The following SPATA16 variants were observed in gnomAD, a reference collection of about 807,000 sequenced individuals.
The protein encoded by SPATA16 is spermatogenesis-associated protein 16.
In SPATA16, 36 loss-of-function variants were observed where a neutral mutation model predicts 63.3. That is an observed-to-expected ratio of 0.57 (90% CI 0.44 to 0.75). The LOEUF is 0.75. SPATA16 is among the 30% of genes least tolerant of loss of function. SPATA16 has a pLI of 0.00. For synonymous variants in SPATA16, 203 were observed against 216.7 expected, an observed-to-expected ratio of 0.94 and a Z score of 0.56; for missense variants, 646 against 679.3, an observed-to-expected ratio of 0.95 and a Z score of 0.54.
chr3:173,006,611 A>G (rs1358409001), intron 4 of SPATA16, among the ~76,000 whole-genome samples: 1 of 152,226 alleles, frequency 6.6e-6, no homozygotes, highest in Non-Finnish European at 1.5e-5. Context: ...TGTGAGATAC[A>G]TAATAATCTC....
intron 4 of SPATA16, among the ~76,000 whole-genome samples, chr3:172,982,191 C>T (rs913672352): frequency 2.6e-5 from 4 of 152,110 alleles, no homozygotes; most frequent in Admixed American, 2.6e-4. Context: ...AATTACATAG[C>T]TTACTAGGAT....
Position 172,889,646 on chromosome 3 carries a change from A to G in SPATA16, c.1634T>C (p.Leu545Ser). Residue 545 changes from leucine (L) to serine (S), a missense_variant, in exon 11 of 11, where the codon TTA becomes TCA. By Grantham distance (145) the Leu-to-Ser change is moderately radical. Coordinates refer to ENST00000351008, the MANE Select transcript of SPATA16 (RefSeq NM_031955.6). Reference protein sequence around the residue: ...DFLYQLEDSFLKTKKLRTARR... With the variant: ...DFLYQLEDSFSKTKKLRTARR... Reference sequence around the variant, plus strand: ...AGCAGTTCTCAGTTTTTTAGTTTTTAAGAAACTGTCCTCTAATTGGTATAG... The same window carrying G: ...AGCAGTTCTCAGTTTTTTAGTTTTTGAGAAACTGTCCTCTAATTGGTATAG... 7 of 1,613,542 alleles carry G rather than the reference A, an allele frequency of 4.3e-6. No individual in the cohort carries two copies. Among genetic ancestry groups the G allele is most frequent in the Non-Finnish European group, 5.9e-6 (7 of 1,179,756 alleles).
At chr3:173,001,220 A>G (rs1352413170) in intron 4 of SPATA16, among the ~76,000 whole-genome samples, 2 of 150,294 alleles carry the variant, frequency 1.3e-5, no homozygotes, top group Non-Finnish European at 2.9e-5. Flanking sequence ...TCAGTCTTTT[A>G]GTGAGCCTGT....
At chr3:173,030,729 A>T (rs896845787) in intron 3 of SPATA16, among the ~76,000 whole-genome samples, 3 of 152,090 alleles carry the variant, frequency 2.0e-5, no homozygotes, top group African/African-American at 4.8e-5. Context: ...ACTCCTGTGT[A>T]TATACCTAAA....
chr3:173,096,107 T>C (rs1265454717), intron 2 of SPATA16, among the ~76,000 whole-genome samples: 3 of 152,100 alleles, frequency 2.0e-5, no homozygotes, highest in African/African-American at 7.2e-5. Flanking sequence ...CTAAAAATAT[T>C]TTTTAATAAA....
intron 2 of SPATA16, among the ~76,000 whole-genome samples, chr3:173,088,058 CTTT>C: frequency 7.8e-6 from 1 of 128,550 alleles, no homozygotes; most frequent in African/African-American, 3.0e-5. Flanking sequence ...TTCTTTCTTT[CTTT>C]CTTTCTTTCT....
intron 6 of SPATA16, among the ~76,000 whole-genome samples, chr3:172,942,771 T>A (rs1733186738): frequency 6.6e-6 from 1 of 152,108 alleles, no homozygotes; most frequent in Non-Finnish European, 1.5e-5. Flanking sequence ...TTAATGACAG[T>A]TGACCATATA....
intron 10 of SPATA16, among the ~76,000 whole-genome samples, chr3:172,910,471 A>G (rs534001659): frequency 1.2e-4 from 18 of 152,126 alleles, no homozygotes; most frequent in Admixed American, 3.9e-4. Context: ...CTACTACTTA[A>G]CTCAGTCAAG....
intron 10 of SPATA16, among the ~76,000 whole-genome samples, chr3:172,891,413 T>C (rs1434719475): frequency 1.3e-5 from 2 of 152,194 alleles, no homozygotes; most frequent in African/African-American, 4.8e-5. Flanking sequence ...TTCCGCTGAA[T>C]TAACTGGGCA....
chr3:172,954,142 C>A lies in SPATA16; in HGVS notation c.1081+2535G>T, dbSNP rs1240117830. On this transcript the variant is annotated intron_variant, in intron 6 of 10. Transcript: ENST00000351008. The stretch of plus-strand genomic sequence containing the variant: ...TTCTCACGGTGCTAATAAAGACATA[C>A]AGAAGACTGGATAATTTATAAAGGA... Among the ~76,000 whole-genome samples the A allele has an allele frequency of 2.0e-5, 3 of 152,194 alleles. No individual in the cohort carries two copies. The East Asian group carries it at 5.8e-4, about 29-fold the overall frequency.
intron 6 of SPATA16, among the ~76,000 whole-genome samples, chr3:172,929,374 A>G (rs1732814938): frequency 6.6e-6 from 1 of 152,206 alleles, no homozygotes; most frequent in Non-Finnish European, 1.5e-5. Flanking sequence ...CTTTTCCCCT[A>G]GAGAAAAGAT....
At chr3:173,062,044 A>ATTTTTT (rs10618031) in intron 2 of SPATA16, among the ~76,000 whole-genome samples, 1 of 115,536 alleles carries the variant, frequency 8.7e-6, no homozygotes, top group Non-Finnish European at 1.7e-5. Flanking sequence ...GTGCTTCAAC[A>ATTTTTT]TTTTTTTTTT....
intron 1 of SPATA16, among the ~76,000 whole-genome samples, chr3:173,137,580 G>A (rs546700842): frequency 2.6e-3 from 394 of 152,194 alleles, no homozygotes; most frequent in African/African-American, 9.0e-3. Context: ...CATAAATGGT[G>A]TCAATTTCAA....
At chr3:173,109,261 T>G (rs1434676943) in intron 2 of SPATA16, among the ~76,000 whole-genome samples, 1 of 152,068 alleles carries the variant, frequency 6.6e-6, no homozygotes, top group Non-Finnish European at 1.5e-5. Context: ...TCTTCACAAC[T>G]TCTCCCATGT....
intron 10 of SPATA16, among the ~76,000 whole-genome samples, chr3:172,895,311 C>G (rs1312865047): frequency 6.6e-6 from 1 of 152,186 alleles, no homozygotes; most frequent in Non-Finnish European, 1.5e-5. Context: ...CTGACAACCA[C>G]TAATAAACTA....
chr3:173,106,529 AT>A (rs548294120), intron 2 of SPATA16, among the ~76,000 whole-genome samples: 226 of 152,246 alleles, frequency 1.5e-3, no homozygotes, highest in African/African-American at 5.2e-3. Context: ...CTCAATAAAT[AT>A]TTTTTATGTC....
intron 2 of SPATA16, among the ~76,000 whole-genome samples, chr3:173,088,070 CTTT>C (rs1737120150): frequency 1.9e-5 from 2 of 105,442 alleles, no homozygotes; most frequent in East Asian, 6.7e-4. Context: ...TTCTTTCTTT[CTTT>C]CTTTCTGTCT....
intron 6 of SPATA16, among the ~76,000 whole-genome samples, chr3:172,941,281 A>C (rs1406190704): frequency 6.6e-6 from 1 of 152,220 alleles, no homozygotes; most frequent in Non-Finnish European, 1.5e-5. Context: ...AGAATCAGGG[A>C]CTAAAGTATT....
At chr3:173,082,934 A>G (rs1736959505) in intron 2 of SPATA16, among the ~76,000 whole-genome samples, 1 of 152,022 alleles carries the variant, frequency 6.6e-6, no homozygotes, top group African/African-American at 2.4e-5. Context: ...TGCCTTGTTC[A>G]CTTTTGTATC....
Sources: allele counts gnomAD v4.1 joint callset (sites outside exome capture counted in the v4.1 genomes callset), GRCh38; gene constraint gnomAD v4.1.1; transcripts MANE v1.5; gene names NCBI Gene and HGNC (gene_info 2026-07-23, HGNC 2026-07-21).